The following XYLT1 variants were observed in gnomAD, a reference collection of about 807,000 sequenced individuals.
XYLT1 encodes xylosyltransferase 1.
Under a neutral mutation model 91.3 loss-of-function variants are expected in XYLT1, and 36 were observed. The ratio of observed to expected loss-of-function variants is 0.39; its 90% CI spans 0.30 to 0.52. The LOEUF (loss-of-function observed/expected upper bound fraction) is 0.52, where lower values mean the gene tolerates loss of function less well. XYLT1 is among the 20% of genes least tolerant of loss of function. XYLT1 has a pLI of 0.68. For missense variants in XYLT1, 1,242 were observed against 1,284.5 expected, an observed-to-expected ratio of 0.97 and a Z score of 0.51; for synonymous variants, 588 against 532.0, an observed-to-expected ratio of 1.11 and a Z score of -1.45.
chr16:17,160,975 T>A (rs1193433731), intron 5 of XYLT1, among the ~76,000 whole-genome samples: 1 of 152,190 alleles, frequency 6.6e-6, no homozygotes, highest in Non-Finnish European at 1.5e-5. Context: ...TCCTGATGAA[T>A]ACGAGACAAG....
In XYLT1 at chr16:17,345,989, T is replaced by C. The variant is rs528253996; in HGVS notation, c.402+12023A>G. 5.9e-4 allele frequency among the ~76,000 whole-genome samples: 89 copies of C among 152,100 alleles called. 1 individual carries two copies. The highest frequency in any genetic ancestry group is 9.1e-4 in the Non-Finnish European group (62 of 68,018). The stretch of plus-strand genomic sequence containing the variant: ...CCACACGTGGCTAATTTTTGTATTT[T>C]TAGTAAAGACGGGGTCTCGCCATGT... On this transcript the variant is annotated intron_variant, in intron 2 of 11. Coordinates refer to ENST00000261381, the MANE Select transcript of XYLT1 (RefSeq NM_022166.4).
intron 6 of XYLT1, among the ~76,000 whole-genome samples, chr16:17,142,431 ATT>A (rs71137975): frequency 1.5e-4 from 18 of 122,716 alleles, no homozygotes; most frequent in Admixed American, 2.7e-4. Context: ...AAATCCTGTA[ATT>A]TTTTTTTTTT....
At chr16:17,442,925 G>A (rs1184892195) in intron 1 of XYLT1, among the ~76,000 whole-genome samples, 6 of 151,918 alleles carry the variant, frequency 3.9e-5, no homozygotes, top group East Asian at 1.9e-4. Flanking sequence ...AATGTTTCTC[G>A]GTGAACGTGT....
chr16:17,327,602 TCCCGCCCCCCCCCCCCCCCC>T (rs2034830216), intron 2 of XYLT1, among the ~76,000 whole-genome samples: 1 of 107,044 alleles, frequency 9.3e-6, no homozygotes, highest in African/African-American at 3.6e-5. Context: ...GACCTCGTGA[TCCCGCCCCCCCCCCCCCCCC>T]CCCCCCGCCT....
chr16:17,365,605 C>T (rs144111845), intron 1 of XYLT1, among the ~76,000 whole-genome samples: 12 of 152,162 alleles, frequency 7.9e-5, no homozygotes, highest in African/African-American at 1.2e-4. Context: ...GTGTATTGCG[C>T]GCTCTCTTTC....
chr16:17,440,266 T>G (rs1366071734), intron 1 of XYLT1, among the ~76,000 whole-genome samples: 1 of 152,238 alleles, frequency 6.6e-6, no homozygotes, highest in Admixed American at 6.5e-5. Context: ...CAGAATGAAC[T>G]GATAACCTTC....
intron 10 of XYLT1, among the ~76,000 whole-genome samples, chr16:17,122,191 T>C (rs1260647843): frequency 6.6e-6 from 1 of 152,228 alleles, no homozygotes; most frequent in Non-Finnish European, 1.5e-5. Flanking sequence ...TTGTTTTCCA[T>C]AGTGGTTGTC....
rs2033683639 is a variant in XYLT1, at chr16:17,259,248, G to T, written c.653C>A (p.Pro218His). The stretch of plus-strand genomic sequence containing the variant: ...GTTGGCTGCGGCTCTGTCCCCGGGA[G>T]GCAGCACCTCACCGGGGCCTTTCCC... ...FPGKGPGEVL[P>H]PGDRAAANSS... The change falls in exon 3 of 12, where the codon CCT becomes CAT. Residue 218 changes from proline to histidine, a missense_variant. By Grantham distance (77) the Pro-to-His change is moderately conservative (BLOSUM62 -2). This residue lies in a region of XYLT1 where 437 missense variants were observed against 411.5 expected (regional missense o/e 1.06). Transcript: ENST00000261381. The T allele has an allele frequency of 6.2e-7, 1 of 1,614,000 alleles. No homozygotes were observed. The highest frequency in any genetic ancestry group is 8.5e-7 in the Non-Finnish European group (1 of 1,180,032).
intron 2 of XYLT1, among the ~76,000 whole-genome samples, chr16:17,306,219 G>A (rs945203525): frequency 2.6e-5 from 4 of 152,136 alleles, no homozygotes; most frequent in East Asian, 1.9e-4. Context: ...AAATATAAGC[G>A]GTTGGGAGAG....
intron 2 of XYLT1, among the ~76,000 whole-genome samples, chr16:17,281,177 G>A (rs1270761899): frequency 6.6e-6 from 1 of 152,190 alleles, no homozygotes; most frequent in Non-Finnish European, 1.5e-5. Flanking sequence ...AGCATCCAGG[G>A]GAGCGGCTGA....
chr16:17,353,153 T>C (rs948135339), intron 2 of XYLT1, among the ~76,000 whole-genome samples: 3 of 152,234 alleles, frequency 2.0e-5, no homozygotes, highest in Middle Eastern at 3.2e-3. Context: ...TTCCTCCTGA[T>C]GCCTTTGATC....
intron 3 of XYLT1, among the ~76,000 whole-genome samples, chr16:17,233,390 C>G (rs1030863246): frequency 1.3e-5 from 2 of 152,200 alleles, no homozygotes; most frequent in East Asian, 1.9e-4. Context: ...AAGGAAGCAG[C>G]CTGGTTTCCC....
At chr16:17,398,792 G>T (rs992177613) in intron 1 of XYLT1, among the ~76,000 whole-genome samples, 1 of 146,146 alleles carries the variant, frequency 6.8e-6, no homozygotes, top group Admixed American at 7.0e-5. Context: ...TCCTCCCTGT[G>T]TGCATGGCTA....
intron 1 of XYLT1, among the ~76,000 whole-genome samples, chr16:17,422,057 A>T (rs1227235872): frequency 6.6e-6 from 1 of 151,828 alleles, no homozygotes; most frequent in Non-Finnish European, 1.5e-5. Context: ...ATCTCCACTC[A>T]CCGGAAGCTC....
intron 3 of XYLT1, among the ~76,000 whole-genome samples, chr16:17,221,917 G>A (rs1479438500): frequency 6.6e-6 from 1 of 152,140 alleles, no homozygotes; most frequent in East Asian, 1.9e-4. Context: ...CTGCTCCTAT[G>A]CAGCTTGAGC....
chr16:17,114,294 C>A (rs1457874115), intron 11 of XYLT1, among the ~76,000 whole-genome samples: 2 of 152,182 alleles, frequency 1.3e-5, no homozygotes, highest in African/African-American at 4.8e-5. Context: ...GTTGTGGGAA[C>A]CCCAGTTTGA....
chr16:17,332,567 T>TACACATACACAC (rs1233628545), intron 2 of XYLT1, among the ~76,000 whole-genome samples: 11 of 137,902 alleles, frequency 8.0e-5, no homozygotes, highest in African/African-American at 2.7e-4. Flanking sequence ...ATCACACACA[T>TACACATACACAC]ACACACACAC....
chr16:17,388,716 A>G (rs1406770868), intron 1 of XYLT1, among the ~76,000 whole-genome samples: 1 of 152,238 alleles, frequency 6.6e-6, no homozygotes, highest in Non-Finnish European at 1.5e-5. Flanking sequence ...CTAGGCAAAA[A>G]GGAGTTTTCT....
intron 2 of XYLT1, among the ~76,000 whole-genome samples, chr16:17,295,679 G>A (rs1478722002): frequency 6.6e-6 from 1 of 152,178 alleles, no homozygotes; most frequent in Non-Finnish European, 1.5e-5. Flanking sequence ...TCTTAACTGG[G>A]TCAACTTGAC....
Sources: gnomAD v4.1 joint callset for allele counts (sites outside exome capture counted in the v4.1 genomes callset) on GRCh38, gnomAD v4.1.1 for gene constraint, gnomAD v4.1.1 regional missense constraint, MANE v1.5 for transcripts, NCBI Gene and HGNC (gene_info 2026-07-23, HGNC 2026-07-21) for gene names.